DDX10: variants seen among roughly 807,000 people sequenced by gnomAD.
DDX10 encodes the protein probable ATP-dependent RNA helicase DDX10.
DDX10 carries 74 observed loss-of-function variants against 104.3 expected under a neutral mutation model. The observed-to-expected ratio is 0.71, with a 90% CI of 0.59 to 0.86. The LOEUF is 0.86. Ranked by LOEUF, DDX10 falls within the 40% of genes least tolerant of loss-of-function variation. The pLI is 0.00. For synonymous variants in DDX10, 351 were observed against 353.4 expected (o/e 0.99, Z 0.08); for missense variants, 952 against 1,040.0 (o/e 0.92, Z 1.16).
intron 7 of DDX10, 22 bp from the exon 8 acceptor site, chr11:108,691,854 T>G: frequency 6.2e-7 from 1 of 1,603,970 alleles, no homozygotes; most frequent in Non-Finnish European, 8.5e-7. Context: ...TAAGCAAACT[T>G]ATTCTTCTGT....
In DDX10 at chr11:108,892,685, A is replaced by C. The variant is rs534848468; in HGVS notation, c.2305-25188A>C. On this transcript the variant is annotated intron_variant, in intron 16 of 17. Transcript: ENST00000322536. ...AAATATATTTAAAAAGGGGTTTCTA[A>C]ATTCATAATAGTTTTTGTCATTGTA... 2.0e-5 allele frequency among the ~76,000 whole-genome samples: 3 copies of C among 152,296 alleles called. No individual in the cohort carries two copies. The East Asian group carries it at 5.8e-4, about 29-fold the overall frequency.
intron 13 of DDX10, among the ~76,000 whole-genome samples, chr11:108,766,407 A>G (rs1207251789): frequency 1.3e-5 from 2 of 152,168 alleles, no homozygotes; most frequent in African/African-American, 4.8e-5. Context: ...GTACATACCT[A>G]TGTATTTAAA....
chr11:108,832,988 A>G (rs1862492713), intron 13 of DDX10, among the ~76,000 whole-genome samples: 1 of 152,250 alleles, frequency 6.6e-6, no homozygotes. Context: ...TGAAGAGGAC[A>G]TGAAAAACAA....
chr11:108,796,488 T>G (rs564477653), intron 13 of DDX10, among the ~76,000 whole-genome samples: 1 of 152,360 alleles, frequency 6.6e-6, no homozygotes, highest in East Asian at 1.9e-4. Context: ...TTTATTCTTA[T>G]GTCTATCACA....
chr11:108,706,251 C>T (rs975178537), intron 9 of DDX10, among the ~76,000 whole-genome samples: 1 of 152,154 alleles, frequency 6.6e-6, no homozygotes, highest in Non-Finnish European at 1.5e-5. Flanking sequence ...GAATTACATG[C>T]ATGAGCCACC....
chr11:108,681,283 T>C (rs1461342257), intron 6 of DDX10, among the ~76,000 whole-genome samples: 1 of 152,198 alleles, frequency 6.6e-6, no homozygotes, highest in East Asian at 1.9e-4. Context: ...TGATATTATT[T>C]CACAAATGAT....
chr11:108,799,694 A>C lies in DDX10; in HGVS notation c.1966-38752A>C, dbSNP rs890365592. 2.0e-5 allele frequency among the ~76,000 whole-genome samples: 3 copies of C among 152,132 alleles called. No homozygotes were observed. In the East Asian group the frequency reaches 5.8e-4, roughly 29 times the overall value. On this transcript the variant is annotated intron_variant, in intron 13 of 17. Transcript: ENST00000322536. ...CTTCTTTTGACCTTGCGCAGATTTC[A>C]TCCTCCTCTGGAATGTTTGTTTTAT...
At chr11:108,838,288 T>C in intron 13 of DDX10, 158 bp from the exon 14 acceptor site, 1 of 721,918 alleles carries the variant, frequency 1.4e-6, no homozygotes, top group Non-Finnish European at 2.1e-6. Context: ...AGTTAATAAG[T>C]CAAATAATGT....
intron 16 of DDX10, among the ~76,000 whole-genome samples, chr11:108,897,382 G>A (rs888214737): frequency 6.6e-6 from 1 of 152,156 alleles, no homozygotes; most frequent in East Asian, 1.9e-4. Context: ...ATCAAAAGCT[G>A]TCCATGGAAG....
In DDX10 at chr11:108,679,579, A is replaced by T; in HGVS notation, c.848+19A>T. ...AATATAGGTATGTACTCTTTGAGTC[A>T]ATCAAGATAAATGTTTTTTACTTTT... is the stretch of plus-strand genomic sequence containing the variant. On this transcript the variant is annotated intron_variant, in intron 6 of 17. Coordinates refer to ENST00000322536, the MANE Select transcript of DDX10 (RefSeq NM_004398.4). 2 of 1,512,246 alleles carry T rather than the reference A, an allele frequency of 1.3e-6. No homozygotes were observed. The highest frequency in any genetic ancestry group is 1.8e-6 in the Non-Finnish European group (2 of 1,124,102). 93.7% of individuals were successfully genotyped at this position (1,512,246 alleles called of 1,614,324 possible).
chr11:108,934,915 G>C (rs147872521), intron 17 of DDX10, among the ~76,000 whole-genome samples: 1 of 152,128 alleles, frequency 6.6e-6, no homozygotes, highest in Non-Finnish European at 1.5e-5. Context: ...GCTCCCACAC[G>C]TGACACTCTC....
chr11:108,817,349 C>T (rs1045072215), intron 13 of DDX10, among the ~76,000 whole-genome samples: 1 of 152,212 alleles, frequency 6.6e-6, no homozygotes. Context: ...AAACAACAAA[C>T]TCATTTCCAT....
chr11:108,789,398 G>C (rs1457387437), intron 13 of DDX10, among the ~76,000 whole-genome samples: 1 of 152,182 alleles, frequency 6.6e-6, no homozygotes, highest in Non-Finnish European at 1.5e-5. Flanking sequence ...AAAAACTCGT[G>C]AAAGATGTGT....
At chr11:108,669,214 C>T (rs2094213965) in intron 1 of DDX10, among the ~76,000 whole-genome samples, 1 of 152,078 alleles carries the variant, frequency 6.6e-6, no homozygotes, top group Non-Finnish European at 1.5e-5. Context: ...CCAACTCAGC[C>T]TCCTGAGTAG....
intron 16 of DDX10, among the ~76,000 whole-genome samples, chr11:108,916,331 A>G (rs1411945007): frequency 1.3e-5 from 2 of 152,194 alleles, no homozygotes; most frequent in Non-Finnish European, 2.9e-5. Context: ...AGTAAACAAT[A>G]AAATAAGCTG....
chr11:108,696,162 A>C (rs1408146322), intron 9 of DDX10, among the ~76,000 whole-genome samples: 1 of 151,482 alleles, frequency 6.6e-6, no homozygotes, highest in East Asian at 1.9e-4. Context: ...TATTGAGTAC[A>C]TGGTTTTTGT....
In DDX10 at chr11:108,665,195, C is replaced by T. The variant is rs749690372; in HGVS notation, c.42C>T (p.Pro14=). The part of the protein sequence containing the change: ...TANSPGSGAR[P]DPVRSFNRWK... ...ACTCTCCGGGTTCGGGAGCCCGACC[C>T]GACCCGGTGCGGAGCTTCAATCGCT... is the stretch of plus-strand genomic sequence containing the variant. Residue 14 remains proline, a synonymous_variant, in exon 1 of 18, where the codon CCC becomes CCT. Transcript: ENST00000322536. The T allele has an allele frequency of 5.0e-6, 8 of 1,612,712 alleles. No homozygotes were observed. Among genetic ancestry groups the T allele is most frequent in the South Asian group, 4.4e-5 (4 of 90,874 alleles).
intron 13 of DDX10, among the ~76,000 whole-genome samples, chr11:108,782,838 A>C (rs1187082536): frequency 6.6e-6 from 1 of 152,136 alleles, no homozygotes; most frequent in Non-Finnish European, 1.5e-5. Flanking sequence ...AGTCAGAGAG[A>C]CCAAATCACG....
intron 16 of DDX10, among the ~76,000 whole-genome samples, chr11:108,875,175 T>G (rs1863136113): frequency 6.6e-6 from 1 of 152,198 alleles, no homozygotes; most frequent in African/African-American, 2.4e-5. Context: ...GTGTATGACA[T>G]TTTAATTCTG....
Sources: allele counts gnomAD v4.1 joint callset (sites outside exome capture counted in the v4.1 genomes callset), GRCh38; gene constraint gnomAD v4.1.1; transcripts MANE v1.5; gene names NCBI Gene and HGNC (gene_info 2026-07-23, HGNC 2026-07-21).